The following PRICKLE1 variants were observed in gnomAD, a reference collection of about 807,000 sequenced individuals.
The protein encoded by PRICKLE1 is prickle planar cell polarity protein 1, also known as prickle-like protein 1.
PRICKLE1 carries 14 observed loss-of-function variants against 70.2 expected under a neutral mutation model. The observed-to-expected ratio is 0.20, with a 90% CI of 0.13 to 0.31. The LOEUF is 0.31. PRICKLE1 is among the 10% of genes least tolerant of loss of function. The pLI, the probability that PRICKLE1 is intolerant of heterozygous loss-of-function variation, is 1.00. For synonymous variants in PRICKLE1, 357 were observed against 379.9 expected, an observed-to-expected ratio of 0.94 and a Z score of 0.70; for missense variants, 821 against 1,026.2, an observed-to-expected ratio of 0.80 and a Z score of 2.73.
chr12:42,525,867 T>C (rs1448840171), intron 1 of PRICKLE1, among the ~76,000 whole-genome samples: 1 of 152,174 alleles, frequency 6.6e-6, no homozygotes, highest in African/African-American at 2.4e-5. Flanking sequence ...CAAAGCACCA[T>C]GTTTGCCACA....
chr12:42,522,483 G>A (rs1939729271), intron 1 of PRICKLE1, among the ~76,000 whole-genome samples: 1 of 152,124 alleles, frequency 6.6e-6, no homozygotes, highest in Non-Finnish European at 1.5e-5. Context: ...CCATTTGCAA[G>A]AGAACCAGAT....
intron 1 of PRICKLE1, among the ~76,000 whole-genome samples, chr12:42,558,299 T>C (rs1940446958): frequency 6.6e-6 from 1 of 152,248 alleles, no homozygotes; most frequent in African/African-American, 2.4e-5. Flanking sequence ...AAAATGAATT[T>C]AATAAACCTC....
intron 1 of PRICKLE1, among the ~76,000 whole-genome samples, chr12:42,494,768 C>T (rs948882467): frequency 1.3e-5 from 2 of 148,568 alleles, no homozygotes; most frequent in Admixed American, 1.3e-4. Flanking sequence ...GATCATGCCA[C>T]TGCACTCCAG....
chr12:42,497,537 A>T (rs1391113258), intron 1 of PRICKLE1, among the ~76,000 whole-genome samples: 2 of 113,678 alleles, frequency 1.8e-5, no homozygotes, highest in African/African-American at 6.6e-5. Context: ...TGACAGCGAG[A>T]CTCCATCTCA....
chr12:42,524,699 C>T (rs1939771660), intron 1 of PRICKLE1: 1 of 152,196 alleles, frequency 6.6e-6, no homozygotes, highest in Admixed American at 6.5e-5. Context: ...TGTAAGCCAC[C>T]ACACCCGGCA....
rs988140950 is a variant in PRICKLE1 at position 42,456,921 on chromosome 12, C to T, written c.*2888G>A. 1.3e-5 allele frequency: 2 copies of T among 152,110 alleles called. No homozygotes were observed. Among genetic ancestry groups the T allele is most frequent in the Non-Finnish European group, 2.9e-5 (2 of 68,030 alleles). 9.4% of individuals were successfully genotyped at this position (152,110 alleles called of 1,614,324 possible). ...AGACGCAGTGGCTCATGCCTGTAAT[C>T]CCCTGCACTTTGGGAGGCTGAGGCA... On this transcript the variant is annotated 3_prime_UTR_variant, in exon 8 of 8. Transcript: ENST00000345127.
At chr12:42,510,883 T>C (rs1939500134) in intron 1 of PRICKLE1, among the ~76,000 whole-genome samples, 1 of 152,244 alleles carries the variant, frequency 6.6e-6, no homozygotes, top group Non-Finnish European at 1.5e-5. Flanking sequence ...GGCTTGCTTA[T>C]CTGAAAAGGT....
chr12:42,479,892 T>C (rs935012073), intron 1 of PRICKLE1, among the ~76,000 whole-genome samples: 3 of 151,916 alleles, frequency 2.0e-5, no homozygotes, highest in Non-Finnish European at 4.4e-5. Context: ...AGGCAGAGGC[T>C]GCAGTGAACC....
At chr12:42,530,960 C>A (rs573190646) in intron 1 of PRICKLE1, among the ~76,000 whole-genome samples, 4 of 151,140 alleles carry the variant, frequency 2.6e-5, no homozygotes, top group Non-Finnish European at 5.9e-5. Flanking sequence ...CATAAGCCAC[C>A]GTGCCCAGCC....
At chr12:42,533,984 A>G (rs1164711090) in intron 1 of PRICKLE1, among the ~76,000 whole-genome samples, 1 of 152,148 alleles carries the variant, frequency 6.6e-6, no homozygotes, top group African/African-American at 2.4e-5. Flanking sequence ...TGTATCCTCA[A>G]AAAGGTTCCT....
intron 5 of PRICKLE1, among the ~76,000 whole-genome samples, 183 bp downstream of exon 5, chr12:42,468,443 G>A (rs879759861): frequency 4.6e-5 from 7 of 152,078 alleles, no homozygotes; most frequent in African/African-American, 9.7e-5. Context: ...GCAAAAAACC[G>A]CAATTACTTT....
At chr12:42,505,935 T>C (rs1233998528) in intron 1 of PRICKLE1, among the ~76,000 whole-genome samples, 1 of 152,252 alleles carries the variant, frequency 6.6e-6, no homozygotes, top group Non-Finnish European at 1.5e-5. Context: ...TGTACCTAGG[T>C]GTAGGAACTA....
intron 1 of PRICKLE1, among the ~76,000 whole-genome samples, chr12:42,488,922 C>CT (rs768868836): frequency 0.032 from 4,171 of 130,898 alleles, 103 homozygotes; most frequent in African/African-American, 0.06. Flanking sequence ...ATCAATCTAT[C>CT]TTTTTTTTTT....
chr12:42,532,167 AAAAT>A (rs1375499387), intron 1 of PRICKLE1, among the ~76,000 whole-genome samples: 2 of 152,238 alleles, frequency 1.3e-5, no homozygotes, highest in African/African-American at 2.4e-5. Context: ...TCTGCCTCAA[AAAAT>A]AAATAAAGAA....
At chr12:42,554,542 G>A (rs1169582519) in intron 1 of PRICKLE1, among the ~76,000 whole-genome samples, 1 of 152,126 alleles carries the variant, frequency 6.6e-6, no homozygotes, top group Non-Finnish European at 1.5e-5. Flanking sequence ...GATGACTTTT[G>A]TATTTCCCTT....
chr12:42,515,379 A>C (rs1939592355), intron 1 of PRICKLE1, among the ~76,000 whole-genome samples: 1 of 151,402 alleles, frequency 6.6e-6, no homozygotes, highest in African/African-American at 2.4e-5. Context: ...AGCTGGGATT[A>C]CAGGTGTCTG....
At chr12:42,547,686 T>C (rs1254742378) in intron 1 of PRICKLE1, among the ~76,000 whole-genome samples, 1 of 152,222 alleles carries the variant, frequency 6.6e-6, no homozygotes, top group African/African-American at 2.4e-5. Flanking sequence ...GATTAAAAGC[T>C]AGGAGCTGGA....
At chr12:42,531,136 T>TG (rs1555236790) in intron 1 of PRICKLE1, among the ~76,000 whole-genome samples, 1 of 147,578 alleles carries the variant, frequency 6.8e-6, no homozygotes, top group African/African-American at 2.5e-5. Context: ...AAGCTCCGCC[T>TG]CCCAGGTTCA....
intron 1 of PRICKLE1, among the ~76,000 whole-genome samples, chr12:42,559,636 TGGGG>T (rs149270923): frequency 0.075 from 6,583 of 88,026 alleles, 565 homozygotes; most frequent in African/African-American, 0.25. Flanking sequence ...TTTTTTTTTT[TGGGG>T]GGGGTAGAGA....
Sources: gnomAD v4.1 joint callset for allele counts (sites outside exome capture counted in the v4.1 genomes callset) on GRCh38, gnomAD v4.1.1 for gene constraint, MANE v1.5 for transcripts, NCBI Gene and HGNC (gene_info 2026-07-23, HGNC 2026-07-21) for gene names.